The following GALNT13 variants were observed in gnomAD, a reference collection of about 807,000 sequenced individuals.
GALNT13 encodes the protein polypeptide N-acetylgalactosaminyltransferase 13.
In GALNT13, 28 loss-of-function variants were observed where a neutral mutation model predicts 64.2. That is an observed-to-expected ratio of 0.44 (90% CI 0.32 to 0.60). GALNT13 has a LOEUF of 0.60. Ranked by LOEUF, GALNT13 falls within the 20% of genes least tolerant of loss-of-function variation. The pLI is 0.05. For missense variants in GALNT13, 577 were observed against 669.8 expected (o/e 0.86, Z 1.53); for synonymous variants, 214 against 224.6 (o/e 0.95, Z 0.42).
At chr2:154,152,782 C>G (rs1450883355) in intron 4 of GALNT13, among the ~76,000 whole-genome samples, 2 of 152,234 alleles carry the variant, frequency 1.3e-5, no homozygotes, top group Non-Finnish European at 2.9e-5. Flanking sequence ...TCAGCTCCAT[C>G]AGCTCATTTA....
the GALNT13 span, among the ~76,000 whole-genome samples, chr2:153,213,593 C>A: frequency 6.6e-6 from 1 of 152,074 alleles, no homozygotes; most frequent in South Asian, 2.1e-4. Flanking sequence ...AAATACTGTG[C>A]CTTGGTCTTG....
At chr2:154,264,491 G>A (rs938622595) in intron 8 of GALNT13, among the ~76,000 whole-genome samples, 3 of 148,230 alleles carry the variant, frequency 2.0e-5, no homozygotes, top group Non-Finnish European at 4.5e-5. Flanking sequence ...AAAAAAATTA[G>A]CTGGGCATGG....
the GALNT13 span, among the ~76,000 whole-genome samples, chr2:153,196,627 C>G: frequency 6.6e-6 from 1 of 152,016 alleles, no homozygotes; most frequent in Non-Finnish European, 1.5e-5. Context: ...ATGCAGGCAG[C>G]CCCGGCCATG....
chr2:153,969,113 G>A (rs1009699509), intron 3 of GALNT13, among the ~76,000 whole-genome samples: 4 of 151,964 alleles, frequency 2.6e-5, no homozygotes, highest in Admixed American at 1.3e-4. Flanking sequence ...TAAAATTAAC[G>A]TGTAGAAAAT....
intron 3 of GALNT13, among the ~76,000 whole-genome samples, chr2:154,126,925 A>G (rs1682317159): frequency 6.6e-6 from 1 of 152,168 alleles, no homozygotes. Flanking sequence ...CAAAAAAACA[A>G]TATCTGAGGG....
At chr2:153,666,076 G>A in the GALNT13 span, among the ~76,000 whole-genome samples, 3 of 152,032 alleles carry the variant, frequency 2.0e-5, no homozygotes, top group Admixed American at 6.6e-5. Flanking sequence ...CTCTCCTGGG[G>A]TGCCTGCCTG....
At chr2:153,226,254 C>A in the GALNT13 span, among the ~76,000 whole-genome samples, 1 of 152,078 alleles carries the variant, frequency 6.6e-6, no homozygotes, top group Non-Finnish European at 1.5e-5. Context: ...TTTATAGATA[C>A]TGAAAACTAA....
chr2:154,205,129 C>T (rs551875832), intron 4 of GALNT13, among the ~76,000 whole-genome samples: 143 of 152,110 alleles, frequency 9.4e-4, no homozygotes, highest in Admixed American at 2.2e-3. Context: ...TCCCTTGATA[C>T]TGGGCTTTAA....
intron 9 of GALNT13, among the ~76,000 whole-genome samples, chr2:154,341,930 G>A (rs1414182023): frequency 6.6e-6 from 1 of 152,074 alleles, no homozygotes; most frequent in Non-Finnish European, 1.5e-5. Flanking sequence ...AAGAGTGTTT[G>A]CAGGTTGAAC....
At chr2:153,631,450 C>T in the GALNT13 span, among the ~76,000 whole-genome samples, 3 of 152,166 alleles carry the variant, frequency 2.0e-5, no homozygotes, top group Admixed American at 1.3e-4. Context: ...GTTCCTATTT[C>T]TCCACATCCT....
At chr2:153,223,125 A>G in the GALNT13 span, among the ~76,000 whole-genome samples, 8 of 152,214 alleles carry the variant, frequency 5.3e-5, no homozygotes, top group African/African-American at 1.9e-4. Flanking sequence ...AAGAAGATAA[A>G]ACAATCTTAA....
the GALNT13 span, among the ~76,000 whole-genome samples, chr2:153,715,378 T>C: frequency 6.6e-6 from 1 of 152,308 alleles, no homozygotes; most frequent in African/African-American, 2.4e-5. Context: ...AGCCCTCCAG[T>C]CTCCTTAGCT....
At chr2:153,155,256 A>G in the GALNT13 span, among the ~76,000 whole-genome samples, 1 of 152,090 alleles carries the variant, frequency 6.6e-6, no homozygotes, top group African/African-American at 2.4e-5. Flanking sequence ...GTTAGGGAGG[A>G]GTCCCTCCTC....
chr2:153,148,178 G>A, the GALNT13 span, among the ~76,000 whole-genome samples: 1,639 of 151,920 alleles, frequency 0.011, 27 homozygotes, highest in African/African-American at 0.037. Flanking sequence ...GAAACAGTCC[G>A]AATGCTTCAT....
chr2:154,342,587 T>C (rs1695832611), intron 9 of GALNT13, among the ~76,000 whole-genome samples: 2 of 152,064 alleles, frequency 1.3e-5, no homozygotes, highest in African/African-American at 4.8e-5. Context: ...AATTCAGATT[T>C]CAGTGTTCAT....
At chr2:153,137,860 A>C in the GALNT13 span, among the ~76,000 whole-genome samples, 1 of 152,018 alleles carries the variant, frequency 6.6e-6, no homozygotes, top group Non-Finnish European at 1.5e-5. Flanking sequence ...GGAACCTCTC[A>C]GTTCTGGGCA....
At chr2:154,106,684 G>A (rs1046335641) in intron 3 of GALNT13, among the ~76,000 whole-genome samples, 1 of 151,576 alleles carries the variant, frequency 6.6e-6, no homozygotes, top group Non-Finnish European at 1.5e-5. Flanking sequence ...CTTTAATGTT[G>A]TGTTCCTTTT....
At chr2:154,132,606 C>G (rs1207273151) in intron 3 of GALNT13, among the ~76,000 whole-genome samples, 1 of 151,900 alleles carries the variant, frequency 6.6e-6, no homozygotes, top group Non-Finnish European at 1.5e-5. Flanking sequence ...GTATGCAGGG[C>G]TGGGCACAGT....
At chr2:153,571,877 A>G in the GALNT13 span, among the ~76,000 whole-genome samples, 1 of 151,918 alleles carries the variant, frequency 6.6e-6, no homozygotes, top group African/African-American at 2.4e-5. Context: ...TACAGCTTCA[A>G]TATTCATCAG....
Sources: allele counts gnomAD v4.1 joint callset (sites outside exome capture counted in the v4.1 genomes callset), GRCh38; gene constraint gnomAD v4.1.1; transcripts MANE v1.5; gene names NCBI Gene and HGNC (gene_info 2026-07-23, HGNC 2026-07-21).